The following SASH1 variants were observed in gnomAD, a reference collection of about 807,000 sequenced individuals.
The protein encoded by SASH1 is SAM and SH3 domain-containing protein 1.
In SASH1, 44 loss-of-function variants were observed where a neutral mutation model predicts 125.2. The observed-to-expected ratio is 0.35, with a 90% confidence interval of 0.28 to 0.45. The LOEUF is 0.45. SASH1 is among the 20% of genes least tolerant of loss of function. The pLI, the probability that SASH1 is intolerant of heterozygous loss-of-function variation, is 1.00. For missense variants in SASH1, 1,426 were observed against 1,614.5 expected (o/e 0.88, Z 2.00); for synonymous variants, 639 against 649.1 (o/e 0.98, Z 0.24).
At chr6:148,264,900 A>T in the SASH1 span, among the ~76,000 whole-genome samples, 1 of 152,372 alleles carries the variant, frequency 6.6e-6, no homozygotes, top group Non-Finnish European at 1.5e-5. Context: ...ATCTATGGCC[A>T]TCTAGAAAGC....
chr6:148,433,461 C>T (rs1416471372), intron 2 of SASH1, among the ~76,000 whole-genome samples: 2 of 141,014 alleles, frequency 1.4e-5, no homozygotes, highest in Non-Finnish European at 1.5e-5. Context: ...GGGTGGAGTG[C>T]AGTGGCGTGA....
chr6:148,399,744 A>G (rs1784100134), intron 2 of SASH1, among the ~76,000 whole-genome samples: 1 of 152,176 alleles, frequency 6.6e-6, no homozygotes, highest in African/African-American at 2.4e-5. Context: ...AACTCAGGTA[A>G]AAGTGGCCAC....
chr6:148,514,887 C>G (rs928264925), intron 9 of SASH1, among the ~76,000 whole-genome samples: 1 of 152,170 alleles, frequency 6.6e-6, no homozygotes, highest in African/African-American at 2.4e-5. Flanking sequence ...ATCAAGGCAC[C>G]TAATATCCCT....
At position 148,529,622 on chromosome 6, in the gene SASH1, T is replaced by C. The variant is rs1272975773; in HGVS notation, c.1429-1904T>C. Among the ~76,000 whole-genome samples, 1 of 152,192 alleles carries C rather than the reference T, an allele frequency of 6.6e-6. No individual in the cohort carries two copies. Among genetic ancestry groups the C allele is most frequent in the Non-Finnish European group, 1.5e-5 (1 of 68,040 alleles). ...TTTTCTGCTTTATGAATCAGAAGCA[T>C]AGAATTTTAATGTCATTTTGGCATT... is the stretch of plus-strand genomic sequence containing the variant. On this transcript the variant is annotated intron_variant, in intron 12 of 19. Transcript: ENST00000367467. This position sits in a 1 kb window ranked among gnomAD's most constrained non-coding sequence, Gnocchi z 4.2.
chr6:148,436,200 T>C (rs567730650), intron 2 of SASH1, among the ~76,000 whole-genome samples: 4 of 152,088 alleles, frequency 2.6e-5, no homozygotes, highest in African/African-American at 4.8e-5. Context: ...CTGGCAGATA[T>C]CTTACCATAG....
chr6:148,540,517 G>T lies in SASH1; in HGVS notation c.2170G>T (p.Asp724Tyr), dbSNP rs776641055. The T allele has an allele frequency of 5.6e-6, 9 of 1,613,980 alleles. No individual in the cohort carries two copies. The East Asian group carries it at 8.9e-5, about 16-fold the overall frequency. Residue 724 changes from aspartate to tyrosine, a missense_variant, in exon 17 of 20, where the codon GAC (aspartate) becomes TAC (tyrosine). Transcript: ENST00000367467. ...GGGCCTGAGTGGATGCTCACCCCGA[G>T]ACTCAGGATGCTACGAAAGCAGTGA... is the stretch of plus-strand genomic sequence containing the variant. ...SQGLSGCSPR[D>Y]SGCYESSENL...
Position 148,540,515 on chromosome 6 carries a change from G to A in SASH1, c.2168G>A (p.Arg723Gln), listed in dbSNP as rs1406933076. Reference sequence around the variant, plus strand: ...CAGGGCCTGAGTGGATGCTCACCCCGAGACTCAGGATGCTACGAAAGCAGT... The same window carrying A: ...CAGGGCCTGAGTGGATGCTCACCCCAAGACTCAGGATGCTACGAAAGCAGT... ...DSQGLSGCSP[R>Q]DSGCYESSEN... Residue 723 changes from arginine (R) to glutamine (Q), a missense_variant, in exon 17 of 20, where the codon CGA becomes CAA. Physicochemically the swap from Arg to Gln is conservative, Grantham distance 43 (BLOSUM62 1). Around this residue, in one of 3 missense-constraint regions of SASH1, gnomAD observed 634 missense variants for 694.4 expected, o/e 0.91. Transcript: ENST00000367467. The A allele has an allele frequency of 2.2e-5, 35 of 1,613,934 alleles. No homozygotes were observed. The highest frequency in any genetic ancestry group is 2.9e-5 in the Non-Finnish European group (34 of 1,180,010).
At chr6:148,371,231 C>A (rs1000554423) in intron 1 of SASH1, among the ~76,000 whole-genome samples, 1 of 151,852 alleles carries the variant, frequency 6.6e-6, no homozygotes, top group African/African-American at 2.4e-5. Flanking sequence ...ACTGACTGAT[C>A]TCTTTTTGGG....
At chr6:148,543,658 A>C (rs1782360576) in intron 17 of SASH1, 22 bp from the exon 18 acceptor site, 1 of 1,513,916 alleles carries the variant, frequency 6.6e-7, no homozygotes, top group African/African-American at 1.4e-5. Flanking sequence ...ATGTGATTGT[A>C]AAATATTCCC....
chr6:148,474,117 C>T lies in SASH1; in HGVS notation c.522C>T (p.Asp174=), dbSNP rs372674425. 1.3e-5 allele frequency: 21 copies of T among 1,607,248 alleles called. No homozygotes were observed. The highest frequency in any genetic ancestry group is 4.0e-5 in the African/African-American group (3 of 74,796). ...TTTGTCCTCAATCTCCAGGAGAAGA[C>T]GTTGGTTATGTTGCCAGTGAAATAA... The part of the protein sequence containing the change: ...GIMRQTSKGE[D]VGYVASEITM... The change falls in exon 7 of 20, where the codon GAC becomes GAT. Residue 174 remains aspartate (D), a synonymous_variant. Transcript: ENST00000367467.
chr6:148,331,532 T>C (rs1012240834), intron 1 of SASH1, among the ~76,000 whole-genome samples: 3 of 152,116 alleles, frequency 2.0e-5, no homozygotes, highest in Non-Finnish European at 4.4e-5. Context: ...GGTTTCATCA[T>C]GTTGGCCAGG....
At chr6:148,394,827 A>G (rs958704389) in intron 2 of SASH1, among the ~76,000 whole-genome samples, 1 of 152,056 alleles carries the variant, frequency 6.6e-6, no homozygotes, top group African/African-American at 2.4e-5. Flanking sequence ...TGTATTTAGT[A>G]GAGTTGGGGT....
At chr6:148,206,737 C>T in the SASH1 span, among the ~76,000 whole-genome samples, 99 of 148,742 alleles carry the variant, frequency 6.7e-4, 1 homozygote, top group South Asian at 0.018. Context: ...TTGCAGTGAG[C>T]CAAGACCGTG....
At chr6:148,344,197 T>C (rs930555790) in intron 1 of SASH1, among the ~76,000 whole-genome samples, 6 of 152,200 alleles carry the variant, frequency 3.9e-5, no homozygotes, top group East Asian at 1.9e-4. Flanking sequence ...AGCTCTCCAA[T>C]TGACTGTTTA....
At chr6:148,416,465 T>G (rs984104611) in intron 2 of SASH1, among the ~76,000 whole-genome samples, 5 of 152,174 alleles carry the variant, frequency 3.3e-5, no homozygotes, top group African/African-American at 9.7e-5. Context: ...AGATACAGTT[T>G]AAAAATAGCT....
chr6:148,285,300 A>G (rs1779453480), intron 1 of SASH1, among the ~76,000 whole-genome samples: 1 of 152,220 alleles, frequency 6.6e-6, no homozygotes. Flanking sequence ...TGGCCTTAGA[A>G]AAGTTGCCTT....
upstream of SASH1, among the ~76,000 whole-genome samples, chr6:148,267,540 G>A (rs763347404): frequency 2.0e-5 from 3 of 151,944 alleles, no homozygotes; most frequent in African/African-American, 4.8e-5. Flanking sequence ...CACCACGCCC[G>A]GCTAATTTTT....
the SASH1 span, among the ~76,000 whole-genome samples, chr6:148,258,081 G>A: frequency 2.0e-5 from 3 of 151,990 alleles, no homozygotes; most frequent in Non-Finnish European, 1.5e-5. Flanking sequence ...ATGAGTACTT[G>A]GCTTTCCCTT....
chr6:148,423,634 A>G (rs1468985223), intron 2 of SASH1, among the ~76,000 whole-genome samples: 1 of 152,206 alleles, frequency 6.6e-6, no homozygotes, highest in Non-Finnish European at 1.5e-5. Flanking sequence ...TTATATGATA[A>G]CATGAAAGCC....
Sources: allele counts gnomAD v4.1 joint callset (sites outside exome capture counted in the v4.1 genomes callset), GRCh38; gene constraint gnomAD v4.1.1; regional missense constraint gnomAD v4.1.1; non-coding constraint Gnocchi (gnomAD v3.1); transcripts MANE v1.5; gene names NCBI Gene and HGNC (gene_info 2026-07-23, HGNC 2026-07-21).